The following TSNARE1 variants were observed in gnomAD, a reference collection of about 807,000 sequenced individuals.
TSNARE1 encodes t-SNARE domain containing 1.
TSNARE1 carries 49 observed loss-of-function variants against 62.0 expected under a neutral mutation model. That is an observed-to-expected ratio of 0.79 (90% CI 0.63 to 1.00). The LOEUF is 1.00. TSNARE1 is among the 50% of genes least tolerant of loss of function. The pLI is 0.00. For missense variants in TSNARE1, 755 were observed against 700.1 expected, an observed-to-expected ratio of 1.08 and a Z score of -0.88; for synonymous variants, 328 against 294.4, an observed-to-expected ratio of 1.11 and a Z score of -1.17.
intron 12 of TSNARE1, among the ~76,000 whole-genome samples, chr8:142,242,453 G>C (rs1586828196): frequency 6.6e-6 from 1 of 152,218 alleles, no homozygotes; most frequent in African/African-American, 2.4e-5. Flanking sequence ...CCAGCAAGGG[G>C]AGCAGTCAGC....
intron 10 of TSNARE1, among the ~76,000 whole-genome samples, chr8:142,290,656 T>C (rs1041378300): frequency 5.3e-5 from 8 of 152,234 alleles, no homozygotes; most frequent in African/African-American, 9.6e-5. Context: ...CCAAACCGTA[T>C]GCATTTATTT....
At chr8:142,271,598 C>T (rs917361142) in intron 12 of TSNARE1, 11 of 1,429,328 alleles carry the variant, frequency 7.7e-6, no homozygotes, top group Non-Finnish European at 9.1e-6. Context: ...GAAGACTCCT[C>T]GTAAGTCCAG....
At chr8:142,385,674 T>C in intron 1 of TSNARE1, among the ~76,000 whole-genome samples, 1 of 152,190 alleles carries the variant, frequency 6.6e-6, no homozygotes, top group Non-Finnish European at 1.5e-5. Context: ...GATTTAATAG[T>C]ATAAAGGCAA....
intron 2 of TSNARE1, among the ~76,000 whole-genome samples, chr8:142,347,006 C>T (rs1833460463): frequency 6.6e-6 from 1 of 152,224 alleles, no homozygotes; most frequent in Non-Finnish European, 1.5e-5. Flanking sequence ...ACTGCCCAAA[C>T]CACACAGGCA....
chr8:142,221,728 C>T lies in TSNARE1; in HGVS notation c.*11+7745G>A, dbSNP rs1455841138. ...ACTCATCCACTCACTCACTCATTCA[C>T]TCACTCATTCACTCACTCACTCACT... On this transcript the variant is annotated intron_variant, in intron 13 of 13. Transcript: ENST00000524325. Among the ~76,000 whole-genome samples, 2 of 139,488 alleles carry T rather than the reference C, an allele frequency of 1.4e-5. 1 individual carries two copies. Among genetic ancestry groups the T allele is most frequent in the Non-Finnish European group, 3.1e-5 (2 of 64,586 alleles). 91.5% of individuals were successfully genotyped at this position (139,488 alleles called of 152,430 possible).
intron 4 of TSNARE1, among the ~76,000 whole-genome samples, chr8:142,338,595 G>A (rs1279611895): frequency 6.6e-6 from 1 of 152,214 alleles, no homozygotes; most frequent in African/African-American, 2.4e-5. Flanking sequence ...CTGACAGGCT[G>A]CCTGGACCAC....
intron 1 of TSNARE1, among the ~76,000 whole-genome samples, chr8:142,370,459 C>A (rs1233098513): frequency 6.6e-6 from 1 of 152,090 alleles, no homozygotes; most frequent in Non-Finnish European, 1.5e-5. Context: ...ATGTGCCCAG[C>A]TACTCGGCAG....
chr8:142,280,218 G>A (rs1341209145), intron 11 of TSNARE1: 14 of 985,260 alleles, frequency 1.4e-5, no homozygotes, highest in Non-Finnish European at 1.7e-5. Flanking sequence ...GGGAGTGGGG[G>A]CCCGGCCGCA....
At chr8:142,315,264 T>C (rs112953537) in intron 7 of TSNARE1, among the ~76,000 whole-genome samples, 172 bp from the exon 8 acceptor site, 30 of 151,904 alleles carry the variant, frequency 2.0e-4, no homozygotes, top group African/African-American at 7.3e-4. Flanking sequence ...ACACCCAGGG[T>C]CCCCAGGGAC....
At chr8:142,324,865 G>A (rs538930925) in intron 6 of TSNARE1, among the ~76,000 whole-genome samples, 39 of 152,356 alleles carry the variant, frequency 2.6e-4, no homozygotes, top group Middle Eastern at 6.8e-3. Context: ...CCCTCTGTCC[G>A]TGTTCCTAGT....
intron 1 of TSNARE1, among the ~76,000 whole-genome samples, chr8:142,390,458 G>A (rs1432335112): frequency 4.8e-5 from 3 of 61,956 alleles, no homozygotes; most frequent in Non-Finnish European, 8.8e-5. Flanking sequence ...GGGGGACTCC[G>A]TAACAGACGC....
At chr8:142,223,249 CACTCATTCACTCACTCACTCATTCA>C (rs1816556520) in intron 13 of TSNARE1, among the ~76,000 whole-genome samples, 1 of 140,884 alleles carries the variant, frequency 7.1e-6, no homozygotes. Flanking sequence ...TCCACTCACT[CACTCATTCACTCACTCACTCATTCA>C]GTCACTCACT....
chr8:142,387,473 C>G (rs1488059216), intron 1 of TSNARE1, among the ~76,000 whole-genome samples: 1 of 151,784 alleles, frequency 6.6e-6, no homozygotes, highest in Non-Finnish European at 1.5e-5. Context: ...TTTAAAAATT[C>G]AAAAGCTGAA....
At chr8:142,355,114 C>G (rs1352516848) in intron 1 of TSNARE1, among the ~76,000 whole-genome samples, 3 of 152,218 alleles carry the variant, frequency 2.0e-5, no homozygotes, top group African/African-American at 7.2e-5. Context: ...TCTGGGAGCG[C>G]TGGGCCCCCG....
chr8:142,274,770 C>T lies in TSNARE1; in HGVS notation c.1446+11G>A. 1.3e-6 allele frequency: 2 copies of T among 1,547,994 alleles called. No individual in the cohort carries two copies. Among genetic ancestry groups the T allele is most frequent in the Non-Finnish European group, 1.7e-6 (2 of 1,147,286 alleles). On this transcript the variant is annotated intron_variant, in intron 12 of 13. Coordinates refer to ENST00000524325, the MANE Select transcript of TSNARE1 (RefSeq NM_145003.5). ...GGCCGGCCGGGCACTGTGGCCCTCA[C>T]ACGGACTTACTTGGTGCCGGCTGGC... is the stretch of plus-strand genomic sequence containing the variant.
chr8:142,392,196 G>A (rs760148742), intron 1 of TSNARE1, among the ~76,000 whole-genome samples: 17 of 152,128 alleles, frequency 1.1e-4, no homozygotes, highest in African/African-American at 3.9e-4. Context: ...GCTAATTTTT[G>A]CATTTGTAGT....
intron 10 of TSNARE1, among the ~76,000 whole-genome samples, chr8:142,293,093 G>C (rs960623452): frequency 6.6e-6 from 1 of 152,088 alleles, no homozygotes; most frequent in Admixed American, 6.5e-5. Context: ...CCTTCCTCAG[G>C]AGTCCCCAAG....
chr8:142,377,388 T>C lies in TSNARE1; in HGVS notation c.-39-22625A>G, dbSNP rs918578906. 2.4e-4 allele frequency among the ~76,000 whole-genome samples: 36 copies of C among 148,432 alleles called. 1 individual carries two copies. The highest frequency in any genetic ancestry group is 2.3e-3 in the Admixed American group (34 of 14,952). On this transcript the variant is annotated intron_variant, in intron 1 of 13. Transcript: ENST00000524325. ...AGCTTCTATAAGTTAAAATGCAACA[T>C]AGGCAAAATTAAAAGGCAAAAGATA...
intron 10 of TSNARE1, among the ~76,000 whole-genome samples, chr8:142,288,354 G>A (rs954248135): frequency 3.9e-5 from 6 of 152,262 alleles, no homozygotes; most frequent in African/African-American, 9.6e-5. Flanking sequence ...CCAAAAGCGC[G>A]GGCTGGGACA....
Sources: gnomAD v4.1 joint callset for allele counts (sites outside exome capture counted in the v4.1 genomes callset) on GRCh38, gnomAD v4.1.1 for gene constraint, MANE v1.5 for transcripts, NCBI Gene and HGNC (gene_info 2026-07-23, HGNC 2026-07-21) for gene names.